Variants in PDE4D observed in about 807,000 individuals in gnomAD.
The protein encoded by PDE4D is phosphodiesterase 4D, also known as 3',5'-cyclic-AMP phosphodiesterase 4D.
A neutral mutation model predicts 87.4 loss-of-function variants in PDE4D; 24 were observed. The ratio of observed to expected loss-of-function variants is 0.27; its 90% CI spans 0.20 to 0.39. The LOEUF is 0.39. PDE4D is among the 10% of genes least tolerant of loss of function. The pLI is 1.00. For synonymous variants in PDE4D, 384 were observed against 383.2 expected (o/e 1.00, Z -0.02); for missense variants, 714 against 1,041.0 (o/e 0.69, Z 4.32).
intron 1 of PDE4D, among the ~76,000 whole-genome samples, chr5:59,612,745 T>C (rs1484848754): frequency 2.0e-5 from 3 of 151,450 alleles, no homozygotes; most frequent in Non-Finnish European, 2.9e-5. Flanking sequence ...AAATAAAGGA[T>C]GGAAAGAGGT....
chr5:59,007,153 G>C (rs1546221), intron 6 of PDE4D, among the ~76,000 whole-genome samples: 40 of 152,150 alleles, frequency 2.6e-4, no homozygotes, highest in Middle Eastern at 6.8e-3. Flanking sequence ...ATTAGCTCTT[G>C]GACCTCTCCA....
Position 60,316,703 on chromosome 5 carries a change from G to A in PDE4D, c.-89-131016C>T, listed in dbSNP as rs921605293. On this transcript the variant is annotated intron_variant, in intron 1 of 16. Transcript: ENST00000502484. ...TTGAGAGTTTTTAGCATGAAGGGCT[G>A]TTGAATTTTGTCAAAGGCCTTTTCT... Among the ~76,000 whole-genome samples, 3 of 152,262 alleles carry A rather than the reference G, an allele frequency of 2.0e-5. No homozygotes were observed. In the South Asian group the frequency reaches 6.2e-4, roughly 32 times the overall value.
chr5:60,479,303 T>C (rs1460497063), intron 1 of PDE4D, among the ~76,000 whole-genome samples: 1 of 152,192 alleles, frequency 6.6e-6, no homozygotes, highest in Non-Finnish European at 1.5e-5. Context: ...TTTTGCATCA[T>C]GTTATGTACT....
rs561835800 is a variant in PDE4D at position 59,617,894 on chromosome 5, T to C, written c.455+275274A>G. On this transcript the variant is annotated intron_variant, in intron 1 of 14. Coordinates refer to ENST00000340635, the MANE Select transcript of PDE4D (RefSeq NM_001104631.2). Reference sequence around the variant, plus strand: ...CTGACTTCAACTCCTACCATACCAATGAAGTGCTTTTCACTAAGTAGTGGC... The same window carrying C: ...CTGACTTCAACTCCTACCATACCAACGAAGTGCTTTTCACTAAGTAGTGGC... Among the ~76,000 whole-genome samples the C allele has an allele frequency of 4.6e-5, 7 of 152,334 alleles. No homozygotes were observed. The South Asian group carries it at 1.4e-3, about 32-fold the overall frequency.
At chr5:60,357,121 G>C (rs1759685447) in intron 1 of PDE4D, among the ~76,000 whole-genome samples, 1 of 151,880 alleles carries the variant, frequency 6.6e-6, no homozygotes, top group South Asian at 2.1e-4. Context: ...GCAAGGAGAG[G>C]GTACCAGGAG....
At chr5:60,127,590 T>G in intron 2 of PDE4D, 1 of 505,454 alleles carries the variant, frequency 2.0e-6, no homozygotes, top group Non-Finnish European at 3.5e-6. Context: ...TTACAGCAAC[T>G]GAGGGAGGAA....
chr5:60,084,463 G>A (rs1000612760), intron 2 of PDE4D, among the ~76,000 whole-genome samples: 9 of 152,010 alleles, frequency 5.9e-5, no homozygotes, highest in African/African-American at 2.2e-4. Context: ...GGGCCTGTTT[G>A]AGAATTTGGC....
At chr5:59,597,781 G>C (rs1007387429) in intron 1 of PDE4D, among the ~76,000 whole-genome samples, 1 of 152,130 alleles carries the variant, frequency 6.6e-6, no homozygotes, top group South Asian at 2.1e-4. Flanking sequence ...TTGCATTCAA[G>C]TGTAGAATAA....
intron 5 of PDE4D, among the ~76,000 whole-genome samples, chr5:59,066,987 G>GATTC (rs1554060295): frequency 1.4e-5 from 2 of 141,212 alleles, no homozygotes; most frequent in African/African-American, 5.3e-5. Context: ...CCCAGCTCGT[G>GATTC]ATTTATTTAT....
chr5:60,414,926 G>A (rs1726044156), intron 1 of PDE4D, among the ~76,000 whole-genome samples: 1 of 152,202 alleles, frequency 6.6e-6, no homozygotes. Context: ...TCTCTCCTTG[G>A]TTAAGACACA....
At position 60,269,199 on chromosome 5, in the gene PDE4D, C is replaced by T. The variant is rs960153452; in HGVS notation, c.-89-83512G>A. On this transcript the variant is annotated intron_variant, in intron 1 of 16. Coordinates refer to the PDE4D transcript ENST00000502484. ...GCACATGCCTGTAGTCCCAGCTACT[C>T]GGGAGGCCGAGGTAGGAGAATCGCT... Among the ~76,000 whole-genome samples, 10 of 152,034 alleles carry T rather than the reference C, an allele frequency of 6.6e-5. No homozygotes were observed. In the East Asian group the frequency reaches 1.4e-3, roughly 21 times the overall value.
At chr5:60,030,544 T>C (rs891105576) in intron 2 of PDE4D, among the ~76,000 whole-genome samples, 1 of 152,236 alleles carries the variant, frequency 6.6e-6, no homozygotes, top group Admixed American at 6.5e-5. Context: ...ATACTTCCAA[T>C]AGAACATTCA....
intron 1 of PDE4D, among the ~76,000 whole-genome samples, chr5:59,522,918 G>T (rs1013175659): frequency 6.6e-6 from 1 of 152,172 alleles, no homozygotes; most frequent in Non-Finnish European, 1.5e-5. Context: ...AAAGTTTTTA[G>T]CCTTGAAAAG....
intron 1 of PDE4D, among the ~76,000 whole-genome samples, chr5:59,329,501 C>T (rs902421878): frequency 1.3e-5 from 2 of 152,110 alleles, no homozygotes; most frequent in South Asian, 2.1e-4. Flanking sequence ...CACTGAAGTC[C>T]TTAAATACAT....
chr5:60,359,276 C>T (rs1208712120), intron 1 of PDE4D, among the ~76,000 whole-genome samples: 3 of 152,122 alleles, frequency 2.0e-5, no homozygotes, highest in Non-Finnish European at 4.4e-5. Context: ...GGCATGGTGG[C>T]ACAAGCCTGT....
chr5:59,804,069 T>G lies in PDE4D; in HGVS notation c.455+89099A>C, dbSNP rs903550781. Among the ~76,000 whole-genome samples, 6 of 152,218 alleles carry G rather than the reference T, an allele frequency of 3.9e-5. No homozygotes were observed. In the East Asian group the frequency reaches 7.7e-4, roughly 20 times the overall value. On this transcript the variant is annotated intron_variant, in intron 1 of 14. Coordinates refer to ENST00000340635, the MANE Select transcript of PDE4D (RefSeq NM_001104631.2). Reference sequence around the variant, plus strand: ...CTATAGTTTTTGGGGTACAGTGGGTTTTGTTTACTTGGACACATTCATTAG... The same window carrying G: ...CTATAGTTTTTGGGGTACAGTGGGTGTTGTTTACTTGGACACATTCATTAG...
At position 59,005,508 on chromosome 5, in the gene PDE4D, T is replaced by C. The variant is rs187809267; in HGVS notation, c.922-12043A>G. Among the ~76,000 whole-genome samples the C allele has an allele frequency of 2.6e-5, 4 of 152,326 alleles. No individual in the cohort carries two copies. The East Asian group carries it at 7.7e-4, about 29-fold the overall frequency. Reference sequence around the variant, plus strand: ...CCATTTCTAGGAGACTAGAATCTCCTTCCTATTGCCACGGTAGCTGCTATC... The same window carrying C: ...CCATTTCTAGGAGACTAGAATCTCCCTCCTATTGCCACGGTAGCTGCTATC... On this transcript the variant is annotated intron_variant, in intron 6 of 14. Coordinates refer to ENST00000340635, the MANE Select transcript of PDE4D (RefSeq NM_001104631.2).
At chr5:60,065,784 G>T (rs544933111) in intron 2 of PDE4D, among the ~76,000 whole-genome samples, 35 of 152,162 alleles carry the variant, frequency 2.3e-4, no homozygotes, top group African/African-American at 8.4e-4. Flanking sequence ...TTATGGCTGC[G>T]TAGTATTCCA....
At chr5:59,998,590 T>C (rs1158399412) in intron 2 of PDE4D, among the ~76,000 whole-genome samples, 1 of 152,164 alleles carries the variant, frequency 6.6e-6, no homozygotes, top group East Asian at 1.9e-4. Context: ...CTGATGTTCC[T>C]TTGAATAATT....
Sources: allele counts gnomAD v4.1 joint callset (sites outside exome capture counted in the v4.1 genomes callset), GRCh38; gene constraint gnomAD v4.1.1; transcripts MANE v1.5; gene names NCBI Gene and HGNC (gene_info 2026-07-23, HGNC 2026-07-21).